Variants in RNF212 observed in about 807,000 individuals in gnomAD.
The protein encoded by RNF212 is probable E3 SUMO-protein ligase RNF212.
Under a neutral mutation model 34.7 loss-of-function variants are expected in RNF212, and 33 were observed. The observed-to-expected ratio is 0.95, with a 90% CI of 0.72 to 1.27. RNF212 has a LOEUF of 1.27. Ranked by LOEUF, RNF212 falls within the 50% of genes most tolerant of loss-of-function variation. RNF212 has a pLI of 0.00. For missense variants in RNF212, 377 were observed against 362.2 expected (o/e 1.04, Z -0.33); for synonymous variants, 140 against 136.1 (o/e 1.03, Z -0.20).
chr4:1,075,512 A>C (rs1219606750), intron 8 of RNF212, among the ~76,000 whole-genome samples: 1 of 152,072 alleles, frequency 6.6e-6, no homozygotes, highest in Non-Finnish European at 1.5e-5. Context: ...ATCTCGTGAG[A>C]ACTCACCCAC....
At chr4:1,078,946 GGACCAACACA>G (rs2153041157) in intron 8 of RNF212, among the ~76,000 whole-genome samples, 2 of 150,850 alleles carry the variant, frequency 1.3e-5, no homozygotes, top group East Asian at 2.0e-4. Context: ...GGTCAACACA[GGACCAACACA>G]GGACCAACAT....
chr4:1,094,366 G>C (rs1381312954), intron 3 of RNF212, among the ~76,000 whole-genome samples: 1 of 152,236 alleles, frequency 6.6e-6, no homozygotes, highest in Admixed American at 6.5e-5. Flanking sequence ...TCAGCATGTG[G>C]GGGTGGGCAC....
chr4:1,097,990 G>A (rs1001865616), intron 2 of RNF212, among the ~76,000 whole-genome samples: 1 of 151,312 alleles, frequency 6.6e-6, no homozygotes, highest in African/African-American at 2.4e-5. Context: ...GCTTGAACCC[G>A]GGAGGTGGAG....
At chr4:1,060,288 G>T (rs972832352) in intron 3 of RNF212, among the ~76,000 whole-genome samples, 2 of 152,176 alleles carry the variant, frequency 1.3e-5, no homozygotes, top group Non-Finnish European at 2.9e-5. Flanking sequence ...GACCCCTGCC[G>T]ATCAGCCCGC....
In RNF212 at chr4:1,100,261, T is replaced by C. The variant is rs1032599630; in HGVS notation, c.172-3422A>G. On this transcript the variant is annotated intron_variant, in intron 2 of 9. Coordinates refer to ENST00000433731, the MANE Select transcript of RNF212 (RefSeq NM_001131034.4). ...CCTGTCAAACATTCTGAAATTATTG[T>C]TAAGACCCAGTCACAACACCGTCAG... is the stretch of plus-strand genomic sequence containing the variant. The C allele has an allele frequency of 1.5e-5, 4 of 271,782 alleles. No homozygotes were observed. In the Admixed American group the frequency reaches 1.5e-4, roughly 10 times the overall value. The allele number at this position is 271,782 out of a possible 1,614,324, so 16.8% of individuals were successfully genotyped here.
At chr4:1,056,464 A>C (rs1204479237) in exon 5 of RNF212, 1 of 979,750 alleles carries the variant, frequency 1.0e-6, no homozygotes, top group East Asian at 1.1e-4. Flanking sequence ...GTCGCGGTAA[A>C]AACACAACTT....
intron 4 of RNF212, chr4:1,058,224 GCTGTGAAGAAGGTGCTTGCGGGGGTTAGA>G (rs1717466852): frequency 1.1e-5 from 3 of 270,526 alleles, no homozygotes; most frequent in African/African-American, 2.3e-5. Context: ...CCTTTAAAAC[GCTGTGAAGAAGGTGCTTGCGGGGGTTAGA>G]ACGCTGTGAA....
chr4:1,094,037 C>G lies in RNF212; in HGVS notation c.246+2728G>C, dbSNP rs1025742018. 5 of 1,422,758 alleles carry G rather than the reference C, an allele frequency of 3.5e-6. No homozygotes were observed. In the African/African-American group the frequency reaches 8.5e-5, roughly 24 times the overall value. 88.1% of individuals were successfully genotyped at this position (1,422,758 alleles called of 1,614,324 possible). On this transcript the variant is annotated intron_variant, in intron 3 of 9. Transcript: ENST00000433731. ...ATACTGTGGGTGATTCAGGCTGTTTCAGAAGCAAGGAAGCTCCCAGAGGAG... is the reference window on the plus strand; with the variant it reads ...ATACTGTGGGTGATTCAGGCTGTTTGAGAAGCAAGGAAGCTCCCAGAGGAG...
At chr4:1,080,182 T>C (rs1412777084) in intron 7 of RNF212, among the ~76,000 whole-genome samples, 1 of 152,322 alleles carries the variant, frequency 6.6e-6, no homozygotes, top group South Asian at 2.1e-4. Flanking sequence ...AGGATTCATT[T>C]TGCGTTGGCC....
At chr4:1,068,461 C>G (rs1008244415), downstream of RNF212, among the ~76,000 whole-genome samples, 1 of 152,186 alleles carries the variant, frequency 6.6e-6, no homozygotes, top group Non-Finnish European at 1.5e-5. Flanking sequence ...AAACGAGTCT[C>G]ATCTTCTGCT....
At chr4:1,079,585 A>C in intron 8 of RNF212, 58 bp downstream of exon 8, 1 of 1,194,292 alleles carries the variant, frequency 8.4e-7, no homozygotes, top group Non-Finnish European at 1.3e-6. Flanking sequence ...TACTGAGGAA[A>C]ATGGGAAATG....
At position 1,059,033 on chromosome 4, in the gene RNF212, C is replaced by A. The variant is rs115610563; in HGVS notation, n.148-640G>T. Among the ~76,000 whole-genome samples the A allele has an allele frequency of 5.8e-3, 888 of 152,344 alleles. 10 individuals are homozygous for A. Among genetic ancestry groups the A allele is most frequent in the African/African-American group, 0.02 (848 of 41,582 alleles). On this transcript the variant is annotated intron_variant and non_coding_transcript_variant, in intron 3 of 4. Coordinates refer to the RNF212 transcript ENST00000503206. ...AGGGGAGATGTGACGACTGAGTTCT[C>A]AAGCAACACCTGCTCCTGGACCCCA...
chr4:1,087,444 G>A (rs1462375168), intron 4 of RNF212, among the ~76,000 whole-genome samples: 9 of 107,816 alleles, frequency 8.3e-5, no homozygotes. Flanking sequence ...GATAGGATGG[G>A]GTGGGGTGAC....
At position 1,072,713 on chromosome 4, in the gene RNF212, T is replaced by C; in HGVS notation, c.*161A>G. 1 of 1,393,134 alleles carries C rather than the reference T, an allele frequency of 7.2e-7. No homozygotes were observed. The highest frequency in any genetic ancestry group is 9.3e-7 in the Non-Finnish European group (1 of 1,070,014). 86.3% of individuals were successfully genotyped at this position (1,393,134 alleles called of 1,614,324 possible). A position where few individuals can be genotyped will look rare whatever the true frequency, so the allele number is the denominator to read the frequency against. The stretch of plus-strand genomic sequence containing the variant: ...AAATATTGTCTCTAAAATTCAAAGG[T>C]CAAATATAAAATTACAAAGCAAATT... On this transcript the variant is annotated 3_prime_UTR_variant, in exon 10 of 10. Transcript: ENST00000433731.
intron 3 of RNF212, chr4:1,093,497 C>A: frequency 6.8e-7 from 1 of 1,476,450 alleles, no homozygotes. Context: ...CACAGTGTAA[C>A]TGACAAACAG....
chr4:1,062,682 C>T (rs1445535968), intron 3 of RNF212, among the ~76,000 whole-genome samples: 1 of 151,990 alleles, frequency 6.6e-6, no homozygotes, highest in East Asian at 1.9e-4. Context: ...AAATGAAAGT[C>T]CTGCAGTGGG....
intron 7 of RNF212, among the ~76,000 whole-genome samples, chr4:1,080,983 G>A (rs894491453): frequency 7.9e-5 from 12 of 152,244 alleles, no homozygotes; most frequent in African/African-American, 2.9e-4. Flanking sequence ...CAGTATGAAC[G>A]TTTCCTGTGT....
chr4:1,058,460 G>T (rs1272698144), intron 3 of RNF212: 4 of 681,442 alleles, frequency 5.9e-6, no homozygotes, highest in Admixed American at 1.3e-4. Context: ...TGAGGACGAC[G>T]ACCAGGCCAG....
intron 2 of RNF212, among the ~76,000 whole-genome samples, chr4:1,105,373 A>G (rs572091709): frequency 6.6e-6 from 1 of 152,346 alleles, no homozygotes; most frequent in Non-Finnish European, 1.5e-5. Flanking sequence ...CTCCCTGGCC[A>G]TCCACCACCC....
Sources: allele counts gnomAD v4.1 joint callset (sites outside exome capture counted in the v4.1 genomes callset), GRCh38; gene constraint gnomAD v4.1.1; transcripts MANE v1.5; gene names NCBI Gene and HGNC (gene_info 2026-07-23, HGNC 2026-07-21).